PMPCB: variants seen among roughly 807,000 people sequenced by gnomAD.
PMPCB encodes mitochondrial-processing peptidase subunit beta.
In PMPCB, 46 loss-of-function variants were observed where a neutral mutation model predicts 61.5. That is an observed-to-expected ratio of 0.75 (90% confidence interval 0.59 to 0.96). The LOEUF is 0.96. Ranked by LOEUF, PMPCB falls within the 40% of genes least tolerant of loss-of-function variation. The pLI is 0.00. For synonymous variants in PMPCB, 191 were observed against 201.6 expected, an observed-to-expected ratio of 0.95 and a Z score of 0.44; for missense variants, 590 against 602.4, an observed-to-expected ratio of 0.98 and a Z score of 0.22.
chr7:103,312,343 T>A lies in PMPCB; in HGVS notation c.*72T>A. 1.3e-6 allele frequency: 2 copies of A among 1,581,292 alleles called. No homozygotes were observed. The highest frequency in any genetic ancestry group is 1.7e-6 in the Non-Finnish European group (2 of 1,171,254). On this transcript the variant is annotated 3_prime_UTR_variant, in exon 13 of 13. Coordinates refer to ENST00000249269, the MANE Select transcript of PMPCB (RefSeq NM_004279.3). Reference sequence around the variant, plus strand: ...AGCTAGAGAAAAATAAAAATGAACATGTATATACATTTGGAAATTTGAATT... The same window carrying A: ...AGCTAGAGAAAAATAAAAATGAACAAGTATATACATTTGGAAATTTGAATT...
chr7:103,300,095 G>A, intron 3 of PMPCB, 83 bp from the exon 4 acceptor site: 1 of 1,316,138 alleles, frequency 7.6e-7, no homozygotes, highest in Non-Finnish European at 1.0e-6. Context: ...ACTAACTTAT[G>A]TCCTCCATAT....
the PMPCB span, chr7:103,344,795 G>A: frequency 6.1e-6 from 4 of 654,302 alleles, no homozygotes; most frequent in African/African-American, 1.8e-5. Flanking sequence ...ATCTTTCGTG[G>A]TGTGGAGGCC....
At chr7:103,322,190 A>T (rs1458433317) in intron 12 of PMPCB, 1 of 837,116 alleles carries the variant, frequency 1.2e-6, no homozygotes, top group Non-Finnish European at 1.7e-6. Context: ...AAAAAAGGCA[A>T]CATAAACTTA....
At chr7:103,315,921 C>A, downstream of PMPCB, 1 of 1,529,382 alleles carries the variant, frequency 6.5e-7, no homozygotes, top group Non-Finnish European at 9.0e-7. Context: ...TTTAATCTTT[C>A]ATTAAATTGC....
chr7:103,321,808 A>G, intron 12 of PMPCB: 1 of 1,078,450 alleles, frequency 9.3e-7, no homozygotes, highest in Non-Finnish European at 1.3e-6. Context: ...AGATCGCGCC[A>G]CTGCACTCCA....
At chr7:103,335,526 C>G in the PMPCB span, 1 of 150,428 alleles carries the variant, frequency 6.6e-6, no homozygotes, top group Non-Finnish European at 1.5e-5. Flanking sequence ...AATTTCTTTT[C>G]TTTCTTTCTT....
chr7:103,342,661 T>G, the PMPCB span, among the ~76,000 whole-genome samples: 1 of 147,264 alleles, frequency 6.8e-6, no homozygotes, highest in East Asian at 2.0e-4. Context: ...CAGGCTGGAG[T>G]GCAATGGCGC....
intron 6 of PMPCB, among the ~76,000 whole-genome samples, chr7:103,305,222 G>A (rs1277611629): frequency 6.6e-6 from 1 of 152,024 alleles, no homozygotes. Flanking sequence ...TTTTGGGAAG[G>A]AGAAGCACAT....
intron 12 of PMPCB, chr7:103,322,430 T>TA (rs374674418): frequency 1.0e-5 from 13 of 1,293,680 alleles, no homozygotes; most frequent in East Asian, 7.6e-5. Context: ...TAGTTTTTTT[T>TA]AAAAAAAGAT....
At chr7:103,318,406 A>G (rs2115818412), downstream of PMPCB, among the ~76,000 whole-genome samples, 1 of 152,152 alleles carries the variant, frequency 6.6e-6, no homozygotes, top group South Asian at 2.1e-4. Flanking sequence ...CTTCTATTTT[A>G]TAGTTTGTGG....
chr7:103,344,988 T>C, the PMPCB span: 1 of 417,582 alleles, frequency 2.4e-6, no homozygotes, highest in Non-Finnish European at 4.2e-6. Context: ...AGCAGTTCTT[T>C]TTATATTATC....
exon 13 of PMPCB, chr7:103,329,106 C>A: frequency 8.7e-6 from 5 of 577,096 alleles, no homozygotes; most frequent in African/African-American, 2.0e-5. Flanking sequence ...TGTTTTTCAT[C>A]CTTTAACTGG....
Position 103,311,696 on chromosome 7 carries a change from T to A in PMPCB, c.1208T>A (p.Leu403His). 1 of 1,614,084 alleles carries A rather than the reference T, an allele frequency of 6.2e-7. No homozygotes were observed. Among genetic ancestry groups the A allele is most frequent in the Non-Finnish European group, 8.5e-7 (1 of 1,179,926 alleles). Residue 403 changes from leucine (L) to histidine (H), a missense_variant, in exon 10 of 13, where the codon CTT becomes CAT. Physicochemically the swap from Leu to His is moderately conservative, Grantham distance 99. Coordinates refer to ENST00000249269, the MANE Select transcript of PMPCB (RefSeq NM_004279.3). Reference sequence around the variant, plus strand: ...AGTGAGGTTGCACGAGCCAGAAATCTTCTGAAAACAAACATGTTGTTGCAG... The same window carrying A: ...AGTGAGGTTGCACGAGCCAGAAATCATCTGAAAACAAACATGTTGTTGCAG... ...TESEVARARN[L>H]LKTNMLLQLD...
chr7:103,344,742 G>T, the PMPCB span: 1 of 1,026,848 alleles, frequency 9.7e-7, no homozygotes, highest in Non-Finnish European at 1.5e-6. Context: ...AAGACGCCCA[G>T]GAACCGGCGC....
rs551981167 is a variant in PMPCB, at chr7:103,311,499, T to G, written c.1155-144T>G. ...TTTGAGAAATTAATACTGGGGAAAA[T>G]AATCATTTTAGCTTTTGCTTAGCAT... On this transcript the variant is annotated intron_variant, in intron 9 of 12. Coordinates refer to ENST00000249269, the MANE Select transcript of PMPCB (RefSeq NM_004279.3). 11 of 624,718 alleles carry G rather than the reference T, an allele frequency of 1.8e-5. 1 individual carries two copies. The South Asian group carries it at 2.3e-4, about 13-fold the overall frequency. 38.7% of individuals were successfully genotyped at this position (624,718 alleles called of 1,614,324 possible). A position where few individuals can be genotyped will look rare whatever the true frequency, so the allele number is the denominator to read the frequency against.
rs528036091 is a variant in PMPCB at position 103,297,658 on chromosome 7, A to T, written c.99+100A>T. 1.2e-5 allele frequency: 18 copies of T among 1,559,660 alleles called. No homozygotes were observed. In the African/African-American group the frequency reaches 1.9e-4, roughly 16 times the overall value. ...CACAGATCCGAACAGTGGGTCGGGC[A>T]GGGCCTCCTCGACCCGGACCCGCCG... On this transcript the variant is annotated intron_variant, in intron 1 of 12. Coordinates refer to ENST00000249269, the MANE Select transcript of PMPCB (RefSeq NM_004279.3).
chr7:103,317,011 C>A, downstream of PMPCB: 1 of 1,612,390 alleles, frequency 6.2e-7, no homozygotes, highest in Non-Finnish European at 8.5e-7. Flanking sequence ...TTTATTTCTT[C>A]TATCTGCACA....
intron 12 of PMPCB, chr7:103,324,611 A>G: frequency 7.6e-7 from 1 of 1,324,406 alleles, no homozygotes; most frequent in Non-Finnish European, 1.0e-6. Context: ...AATTATGTAC[A>G]ACAGTTCAAC....
At chr7:103,327,811 G>A in intron 12 of PMPCB, 2 of 1,102,192 alleles carry the variant, frequency 1.8e-6, no homozygotes, top group Non-Finnish European at 2.7e-6. Context: ...AAATAAAGAT[G>A]AGCTACATGT....
Sources: allele counts gnomAD v4.1 joint callset (sites outside exome capture counted in the v4.1 genomes callset), GRCh38; gene constraint gnomAD v4.1.1; transcripts MANE v1.5; gene names NCBI Gene and HGNC (gene_info 2026-07-23, HGNC 2026-07-21).